Variants in ECM2 observed in about 807,000 individuals in gnomAD.
ECM2 encodes the protein extracellular matrix protein 2.
A neutral mutation model predicts 67.5 loss-of-function variants in ECM2; 57 were observed. That is an observed-to-expected ratio of 0.84 (90% CI 0.68 to 1.05). The LOEUF (loss-of-function observed/expected upper bound fraction) is 1.05. Ranked by LOEUF, ECM2 falls within the 50% of genes least tolerant of loss-of-function variation. The pLI, the probability that ECM2 is intolerant of heterozygous loss-of-function variation, is 0.00. For missense variants in ECM2, 741 were observed against 822.8 expected (o/e 0.90, Z 1.22); for synonymous variants, 258 against 294.5 (o/e 0.88, Z 1.27).
At chr9:92,523,705 T>C (rs940653731) in intron 1 of ECM2, among the ~76,000 whole-genome samples, 25 of 152,296 alleles carry the variant, frequency 1.6e-4, no homozygotes, top group African/African-American at 4.8e-4. Flanking sequence ...CTTTAACTTA[T>C]TGGAGAGTAG....
upstream of ECM2, among the ~76,000 whole-genome samples, chr9:92,539,463 G>C (rs1849267238): frequency 6.6e-6 from 1 of 151,384 alleles, no homozygotes; most frequent in Admixed American, 6.6e-5. Flanking sequence ...TCTAGTAAGG[G>C]CTCAGCTTAA....
chr9:92,551,906 T>TTA, the ECM2 span, among the ~76,000 whole-genome samples: 2 of 134,420 alleles, frequency 1.5e-5, no homozygotes, highest in Non-Finnish European at 3.1e-5. Flanking sequence ...ACAGCATTTG[T>TTA]TATATATATG....
chr9:92,508,266 C>A (rs929668744), intron 6 of ECM2, among the ~76,000 whole-genome samples: 27 of 152,200 alleles, frequency 1.8e-4, no homozygotes, highest in Non-Finnish European at 1.5e-5. Context: ...GGTATCTGAG[C>A]CGGAGGACAG....
At position 92,500,837 on chromosome 9, in the gene ECM2, AT is replaced by A; in HGVS notation, c.1820del (p.Tyr607PhefsTer4). The A allele has an allele frequency of 3.1e-6, 5 of 1,614,220 alleles. No homozygotes were observed. Among genetic ancestry groups the A allele is most frequent in the Non-Finnish European group, 4.2e-6 (5 of 1,180,040 alleles). On this transcript the variant is annotated frameshift_variant, in exon 9 of 10. Transcript: ENST00000344604. LOFTEE classifies it high-confidence loss of function. ...GMDRVSFYGAYHSLRELFLDH... is the reference protein window; with the variant it reads ...GMDRVSFYGAXHSLRELFLDH... ...CCAGAAATAATTCTCTCAGAGAATG[AT>A]ATGCCCCATAGAAGGAGACACGGTC...
intron 2 of ECM2, among the ~76,000 whole-genome samples, chr9:92,521,529 A>G (rs556902168): frequency 2.0e-5 from 3 of 152,324 alleles, no homozygotes; most frequent in East Asian, 3.9e-4. Context: ...TTGAGACAAT[A>G]TATGAAATAC....
the ECM2 span, among the ~76,000 whole-genome samples, chr9:92,557,625 C>G: frequency 1.3e-5 from 2 of 152,068 alleles, no homozygotes; most frequent in Admixed American, 6.6e-5. Context: ...CTGAGACTTT[C>G]CAGAGCATTT....
At chr9:92,547,982 G>A in the ECM2 span, among the ~76,000 whole-genome samples, 1 of 152,082 alleles carries the variant, frequency 6.6e-6, no homozygotes, top group Non-Finnish European at 1.5e-5. Context: ...GTAAAGGAAG[G>A]AAAAACTGTT....
intron 1 of ECM2, among the ~76,000 whole-genome samples, chr9:92,533,328 A>AAAATAT (rs1554683138): frequency 8.3e-4 from 32 of 38,328 alleles, no homozygotes; most frequent in East Asian, 1.5e-3. Context: ...AAAAAAAAAA[A>AAAATAT]ATATATATAT....
At chr9:92,507,189 G>T (rs565431563) in intron 6 of ECM2, among the ~76,000 whole-genome samples, 55 of 152,310 alleles carry the variant, frequency 3.6e-4, no homozygotes, top group South Asian at 3.5e-3. Context: ...TGGTGGTGGT[G>T]CTCAGGATTA....
At chr9:92,529,797 C>A (rs72754437) in intron 1 of ECM2, among the ~76,000 whole-genome samples, 6,066 of 152,118 alleles carry the variant, frequency 0.04, 185 homozygotes, top group South Asian at 0.098. Context: ...GAATTTGGGG[C>A]GGAGAGGGAT....
the ECM2 span, among the ~76,000 whole-genome samples, chr9:92,554,389 G>T: frequency 4.6e-5 from 7 of 152,214 alleles, no homozygotes; most frequent in South Asian, 1.5e-3. Context: ...CACCATTTTG[G>T]TCAGGCTGGT....
intron 3 of ECM2, 149 bp from the exon 4 acceptor site, chr9:92,515,352 T>A: frequency 1.8e-6 from 2 of 1,117,748 alleles, no homozygotes; most frequent in Non-Finnish European, 2.3e-6. Context: ...AATTCTTGCT[T>A]AAAAAGTTTT....
intron 1 of ECM2, 142 bp from the exon 2 acceptor site, chr9:92,523,035 A>T: frequency 1.2e-6 from 1 of 820,050 alleles, no homozygotes; most frequent in Non-Finnish European, 1.8e-6. Flanking sequence ...CTATAGTATT[A>T]TTGCCAAATC....
chr9:92,553,472 G>A, the ECM2 span, among the ~76,000 whole-genome samples: 3 of 152,142 alleles, frequency 2.0e-5, no homozygotes, highest in South Asian at 2.1e-4. Context: ...TGGGGATTGC[G>A]TTGAATTTGT....
At position 92,533,074 on chromosome 9, in the gene ECM2, G is replaced by A. The variant is rs577231213; in HGVS notation, c.-28+2859C>T. Among the ~76,000 whole-genome samples, 5 of 151,468 alleles carry A rather than the reference G, an allele frequency of 3.3e-5. No homozygotes were observed. The East Asian group carries it at 5.9e-4, about 18-fold the overall frequency. On this transcript the variant is annotated intron_variant, in intron 1 of 9. Transcript: ENST00000344604. ...AGCACTTTGGGAGGCCAAGGCTAGC[G>A]GATCACAAGGTCAGGAGTTTGAGAC...
At chr9:92,529,136 A>G (rs1027303831) in intron 1 of ECM2, among the ~76,000 whole-genome samples, 3 of 152,236 alleles carry the variant, frequency 2.0e-5, no homozygotes, top group Non-Finnish European at 4.4e-5. Context: ...TAATTGGTAA[A>G]CTTGTTTTCA....
downstream of ECM2, among the ~76,000 whole-genome samples, chr9:92,494,310 T>C (rs1023909845): frequency 1.3e-5 from 2 of 152,246 alleles, no homozygotes; most frequent in Admixed American, 6.5e-5. Flanking sequence ...TTTATGTCAA[T>C]GTGTTTATAT....
At chr9:92,544,667 C>T in the ECM2 span, among the ~76,000 whole-genome samples, 11 of 150,730 alleles carry the variant, frequency 7.3e-5, no homozygotes, top group Non-Finnish European at 1.0e-4. Context: ...AGGGAGAAAG[C>T]GTGGCTCACC....
At chr9:92,532,521 AT>A (rs963025316) in intron 1 of ECM2, among the ~76,000 whole-genome samples, 1 of 151,558 alleles carries the variant, frequency 6.6e-6, no homozygotes, top group Admixed American at 6.6e-5. Flanking sequence ...CCTCATTTGT[AT>A]TTTTTGTTTG....
Sources: gnomAD v4.1 joint callset for allele counts (sites outside exome capture counted in the v4.1 genomes callset) on GRCh38, gnomAD v4.1.1 for gene constraint, MANE v1.5 for transcripts, NCBI Gene and HGNC (gene_info 2026-07-23, HGNC 2026-07-21) for gene names.